The following PPM1E variants were observed in gnomAD, a reference collection of about 807,000 sequenced individuals.
PPM1E encodes the protein protein phosphatase 1E.
A neutral mutation model predicts 65.9 loss-of-function variants in PPM1E; 20 were observed. The ratio of observed to expected loss-of-function variants is 0.30; its 90% CI spans 0.21 to 0.44. The LOEUF is 0.44. Among genes scored for constraint, PPM1E ranks in the 20% least tolerant of loss-of-function variants. The pLI is 1.00. For missense variants in PPM1E, 713 were observed against 953.1 expected (o/e 0.75, Z 3.32); for synonymous variants, 352 against 374.9 (o/e 0.94, Z 0.70).
At chr17:58,858,096 T>C (rs2050902291) in intron 1 of PPM1E, among the ~76,000 whole-genome samples, 1 of 152,170 alleles carries the variant, frequency 6.6e-6, no homozygotes, top group African/African-American at 2.4e-5. Flanking sequence ...ATAATGCTCT[T>C]GATTCCTCCT....
rs190914579 is a variant in PPM1E, at chr17:58,949,418, A to T, written c.465-6231A>T. Reference sequence around the variant, plus strand: ...ATGAGGTGAGTTTCTTGTAGACAGCATATAGTTGGGTCTTGTTTTTGTTTT... The same window carrying T: ...ATGAGGTGAGTTTCTTGTAGACAGCTTATAGTTGGGTCTTGTTTTTGTTTT... On this transcript the variant is annotated intron_variant, in intron 1 of 6. Coordinates refer to ENST00000308249, the MANE Select transcript of PPM1E (RefSeq NM_014906.5). 1.1e-4 allele frequency among the ~76,000 whole-genome samples: 16 copies of T among 152,186 alleles called. No individual in the cohort carries two copies. The East Asian group carries it at 2.5e-3, about 24-fold the overall frequency.
intron 1 of PPM1E, among the ~76,000 whole-genome samples, chr17:58,874,588 G>A (rs1472733288): frequency 6.6e-6 from 1 of 152,152 alleles, no homozygotes; most frequent in Non-Finnish European, 1.5e-5. Context: ...TGTTACAGTA[G>A]AAGTAGATTC....
chr17:58,903,627 A>G (rs1051875051), intron 1 of PPM1E, among the ~76,000 whole-genome samples: 2 of 152,204 alleles, frequency 1.3e-5, no homozygotes, highest in Non-Finnish European at 2.9e-5. Flanking sequence ...CCACACTGAC[A>G]TGCACACCCA....
Position 58,972,939 on chromosome 17 carries a change from ATT to A in PPM1E, c.1210+18_1210+19del, listed in dbSNP as rs551301047. 1,378 of 1,604,378 alleles carry A rather than the reference ATT, an allele frequency of 8.6e-4. 22 individuals are homozygous for A. In the African/African-American group the frequency reaches 0.016, roughly 19 times the overall value. On this transcript the variant is annotated intron_variant, in intron 6 of 6. Transcript: ENST00000308249. The stretch of plus-strand genomic sequence containing the variant: ...CCAGAGCTATTGGTAGGAAAAACAA[ATT>A]TTTGTTTCTCCAAACTGTCCTCTTC...
At chr17:58,956,933 A>G (rs2029884421) in intron 2 of PPM1E, among the ~76,000 whole-genome samples, 1 of 152,158 alleles carries the variant, frequency 6.6e-6, no homozygotes, top group African/African-American at 2.4e-5. Context: ...ATTGTTTGTG[A>G]CAGAAAATCG....
chr17:58,933,956 G>A (rs1263695237), intron 1 of PPM1E, among the ~76,000 whole-genome samples: 2 of 151,998 alleles, frequency 1.3e-5, no homozygotes, highest in African/African-American at 4.8e-5. Flanking sequence ...TTAGCTGGAT[G>A]TGGCGGCACG....
intron 2 of PPM1E, among the ~76,000 whole-genome samples, chr17:58,961,169 G>A (rs927743455): frequency 6.6e-6 from 1 of 152,080 alleles, no homozygotes; most frequent in Non-Finnish European, 1.5e-5. Context: ...TAAAGAGAAT[G>A]GTAGCATTAT....
rs149396191 is a variant in PPM1E, at chr17:58,902,555, C to T, written c.465-53094C>T. 2.6e-3 allele frequency among the ~76,000 whole-genome samples: 403 copies of T among 152,176 alleles called. 3 individuals are homozygous for T. The highest frequency in any genetic ancestry group is 0.014 in the Middle Eastern group (4 of 292). ...TCATTTGTCTCTGTCTGTGGATAGG[C>T]CTTCCTAGGGAACACTTAATGAGAT... On this transcript the variant is annotated intron_variant, in intron 1 of 6. Transcript: ENST00000308249.
intron 1 of PPM1E, among the ~76,000 whole-genome samples, chr17:58,894,955 A>C (rs2051394618): frequency 6.6e-6 from 1 of 152,114 alleles, no homozygotes; most frequent in African/African-American, 2.4e-5. Context: ...TTTTTCACAG[A>C]TTCAAGGTCT....
chr17:58,778,134 C>T (rs973312821), intron 1 of PPM1E, among the ~76,000 whole-genome samples: 2 of 151,766 alleles, frequency 1.3e-5, no homozygotes, highest in African/African-American at 2.4e-5. Context: ...GAGTCTTGCT[C>T]TGTTGCCCAG....
chr17:58,787,696 C>T (rs149709683), intron 1 of PPM1E, among the ~76,000 whole-genome samples: 1,702 of 151,882 alleles, frequency 0.011, 36 homozygotes, highest in African/African-American at 0.039. Flanking sequence ...ATCACCAGGT[C>T]AGGAGATGAG....
chr17:58,845,915 A>G (rs2143239229), intron 1 of PPM1E, among the ~76,000 whole-genome samples: 1 of 152,330 alleles, frequency 6.6e-6, no homozygotes, highest in African/African-American at 2.4e-5. Context: ...TCCTGACCTC[A>G]GGTGATCTGC....
At chr17:58,975,096 C>G (rs565289251) in intron 6 of PPM1E, among the ~76,000 whole-genome samples, 2 of 152,278 alleles carry the variant, frequency 1.3e-5, no homozygotes, top group African/African-American at 4.8e-5. Context: ...AAATGCTACC[C>G]TTGACTGAAA....
intron 1 of PPM1E, among the ~76,000 whole-genome samples, chr17:58,775,889 C>G (rs1335975021): frequency 8.2e-6 from 1 of 122,378 alleles, no homozygotes; most frequent in East Asian, 2.4e-4. Flanking sequence ...AGTCCGCAGT[C>G]CGGCCTGGGC....
rs760501159 is a variant in PPM1E, at chr17:58,972,974, T to C, written c.1210+49T>C. The C allele has an allele frequency of 6.0e-5, 80 of 1,327,116 alleles. No individual in the cohort carries two copies. In the Admixed American group the frequency reaches 9.2e-4, roughly 15 times the overall value. 82.2% of individuals were successfully genotyped at this position (1,327,116 alleles called of 1,614,324 possible). A position where few individuals can be genotyped will look rare whatever the true frequency, so the allele number is the denominator to read the frequency against. ...CTCCAAACTGTCCTCTTCTAGCTCATTCTCCTGTATCAACTCTGATACAGG... is the reference window on the plus strand; with the variant it reads ...CTCCAAACTGTCCTCTTCTAGCTCACTCTCCTGTATCAACTCTGATACAGG... On this transcript the variant is annotated intron_variant, in intron 6 of 6. Transcript: ENST00000308249.
intron 1 of PPM1E, among the ~76,000 whole-genome samples, chr17:58,864,079 A>G (rs1384996288): frequency 1.3e-5 from 2 of 150,956 alleles, no homozygotes; most frequent in Non-Finnish European, 2.9e-5. Flanking sequence ...CCTTCTGTCC[A>G]TATCAACAGG....
At chr17:58,764,585 G>T (rs2049855201) in intron 1 of PPM1E, among the ~76,000 whole-genome samples, 1 of 152,000 alleles carries the variant, frequency 6.6e-6, no homozygotes, top group Non-Finnish European at 1.5e-5. Flanking sequence ...ACAGGCATGT[G>T]CCGTCATGCC....
chr17:58,860,172 A>C (rs766221625), intron 1 of PPM1E, among the ~76,000 whole-genome samples: 1 of 152,238 alleles, frequency 6.6e-6, no homozygotes, highest in Admixed American at 6.5e-5. Flanking sequence ...ATTCAGAACA[A>C]ACCCAAAGAG....
At chr17:58,831,192 A>G (rs1036184629) in intron 1 of PPM1E, among the ~76,000 whole-genome samples, 1 of 151,830 alleles carries the variant, frequency 6.6e-6, no homozygotes, top group Admixed American at 6.6e-5. Context: ...TTGTATTTTT[A>G]GTAGAGATGG....
Sources: allele counts gnomAD v4.1 joint callset (sites outside exome capture counted in the v4.1 genomes callset), GRCh38; gene constraint gnomAD v4.1.1; transcripts MANE v1.5; gene names NCBI Gene and HGNC (gene_info 2026-07-23, HGNC 2026-07-21).